AGBL1: variants seen among roughly 807,000 people sequenced by gnomAD.
AGBL1 encodes the protein AGBL carboxypeptidase 1, also known as cytosolic carboxypeptidase 4.
In AGBL1, 130 loss-of-function variants were observed where a neutral mutation model predicts 118.9. The observed-to-expected ratio is 1.09, with a 90% CI of 0.95 to 1.26. The LOEUF is 1.26. Among genes scored for constraint, AGBL1 ranks in the 50% most tolerant of loss-of-function variants. AGBL1 has a pLI of 0.00. For synonymous variants in AGBL1, 555 were observed against 478.9 expected (o/e 1.16, Z -2.08); for missense variants, 1,584 against 1,298.1 (o/e 1.22, Z -3.38).
rs549026988 is a variant in AGBL1, at chr15:87,001,747, T to C, written c.3323+13659T>C. Reference sequence around the variant, plus strand: ...GATGGCCAGTGATGATAAGCATTTTTTCATGTGTCTGTTGGTGGCATAAAT... The same window carrying C: ...GATGGCCAGTGATGATAAGCATTTTCTCATGTGTCTGTTGGTGGCATAAAT... On this transcript the variant is annotated intron_variant, in intron 24 of 24. Transcript: ENST00000441037. 1.2e-3 allele frequency among the ~76,000 whole-genome samples: 181 copies of C among 152,262 alleles called. 2 individuals carry two copies. Among genetic ancestry groups the C allele is most frequent in the African/African-American group, 4.2e-3 (176 of 41,502 alleles).
chr15:86,836,416 AAATT>A (rs2079172206), intron 22 of AGBL1, among the ~76,000 whole-genome samples: 1 of 152,142 alleles, frequency 6.6e-6, no homozygotes. Context: ...TCTCAACTCT[AAATT>A]AATTAACACA....
intron 18 of AGBL1, among the ~76,000 whole-genome samples, chr15:86,446,640 G>A (rs1418648861): frequency 6.6e-6 from 1 of 152,094 alleles, no homozygotes; most frequent in African/African-American, 2.4e-5. Context: ...TCAGGATGGG[G>A]CCAGGGTACC....
At chr15:86,184,984 A>C (rs889254698) in intron 5 of AGBL1, among the ~76,000 whole-genome samples, 3 of 152,188 alleles carry the variant, frequency 2.0e-5, no homozygotes, top group African/African-American at 7.2e-5. Context: ...CAACCTACAG[A>C]ATGGGAGAAA....
At chr15:86,530,603 G>A (rs1336492695) in intron 19 of AGBL1, among the ~76,000 whole-genome samples, 8 of 150,910 alleles carry the variant, frequency 5.3e-5, no homozygotes, top group Non-Finnish European at 1.0e-4. Context: ...TCTGCACCAA[G>A]CGGACTTAAT....
intron 22 of AGBL1, among the ~76,000 whole-genome samples, chr15:86,683,144 G>A (rs1330585924): frequency 6.6e-6 from 1 of 152,020 alleles, no homozygotes; most frequent in Admixed American, 6.6e-5. Context: ...ACAGATGGGG[G>A]GGCATTAAAT....
intron 21 of AGBL1, among the ~76,000 whole-genome samples, chr15:86,624,912 G>A (rs894792926): frequency 2.0e-5 from 3 of 152,126 alleles, no homozygotes; most frequent in Non-Finnish European, 2.9e-5. Context: ...AGAATGTCAC[G>A]GCTGCCAGGG....
At chr15:86,269,361 A>T (rs188960309) in intron 13 of AGBL1, among the ~76,000 whole-genome samples, 2 of 152,366 alleles carry the variant, frequency 1.3e-5, no homozygotes, top group East Asian at 3.9e-4. Context: ...GAGGCTCAAA[A>T]GTAACGTTGA....
chr15:86,134,151 T>C (rs1449590970), intron 1 of AGBL1, among the ~76,000 whole-genome samples: 1 of 152,382 alleles, frequency 6.6e-6, no homozygotes, highest in Middle Eastern at 3.4e-3. Context: ...TTTTTGGTGT[T>C]ATATAACCAT....
intron 22 of AGBL1, among the ~76,000 whole-genome samples, chr15:86,855,511 G>T (rs116635036): frequency 1.3e-5 from 2 of 152,158 alleles, no homozygotes; most frequent in African/African-American, 4.8e-5. Flanking sequence ...TGGCATCCAC[G>T]TGGGAGAAGT....
chr15:86,628,490 AT>A (rs200630684), intron 21 of AGBL1, among the ~76,000 whole-genome samples: 16 of 151,980 alleles, frequency 1.1e-4, no homozygotes, highest in African/African-American at 2.4e-4. Context: ...TATTGAACTA[AT>A]TTTTTTTCTT....
intron 1 of AGBL1, among the ~76,000 whole-genome samples, chr15:86,092,964 C>G (rs1428446054): frequency 6.6e-6 from 1 of 152,152 alleles, no homozygotes; most frequent in Non-Finnish European, 1.5e-5. Context: ...AGGTTTCTAA[C>G]ACATGGTTTT....
At chr15:86,770,201 A>C (rs539587185) in intron 22 of AGBL1, among the ~76,000 whole-genome samples, 25 of 152,112 alleles carry the variant, frequency 1.6e-4, no homozygotes, top group African/African-American at 5.5e-4. Context: ...CTGGCGCTAT[A>C]GTTAGTTTAT....
intron 18 of AGBL1, among the ~76,000 whole-genome samples, chr15:86,468,708 C>T (rs1469969957): frequency 6.6e-6 from 1 of 152,154 alleles, no homozygotes; most frequent in African/African-American, 2.4e-5. Flanking sequence ...CATTTCTCTT[C>T]ATCACCAAGG....
intron 22 of AGBL1, among the ~76,000 whole-genome samples, chr15:86,678,447 T>G (rs1437742520): frequency 6.6e-6 from 1 of 152,124 alleles, no homozygotes; most frequent in African/African-American, 2.4e-5. Context: ...TTTTATAAAT[T>G]TCCTAATCAC....
rs1183866210 is a variant in AGBL1, at chr15:86,964,031, C to CTCTCTGTGTG, written c.3222-23955_3222-23954insCTCTGTGTGT. Among the ~76,000 whole-genome samples the CTCTCTGTGTG allele has an allele frequency of 6.6e-4, 97 of 146,302 alleles. 1 individual carries two copies. Among genetic ancestry groups the CTCTCTGTGTG allele is most frequent in the African/African-American group, 2.5e-3 (96 of 39,164 alleles). The stretch of plus-strand genomic sequence containing the variant: ...AAACTCTCTCTCTCTCTCTCTCTCT[C>CTCTCTGTGTG]TGTGTGTGTGTGTGTGTGTGTGTGT... On this transcript the variant is annotated intron_variant, in intron 23 of 24. Coordinates refer to the AGBL1 transcript ENST00000441037.
At chr15:86,233,965 G>A (rs971059813) in intron 6 of AGBL1, among the ~76,000 whole-genome samples, 1 of 152,124 alleles carries the variant, frequency 6.6e-6, no homozygotes, top group African/African-American at 2.4e-5. Flanking sequence ...GCTGTGGATG[G>A]TGGTGTTGAG....
intron 23 of AGBL1, among the ~76,000 whole-genome samples, chr15:86,980,861 T>C (rs1223024870): frequency 6.6e-6 from 1 of 151,170 alleles, no homozygotes; most frequent in Non-Finnish European, 1.5e-5. Flanking sequence ...GTCTACTAAA[T>C]ATAAATAGTG....
chr15:86,700,278 G>T (rs191571481), intron 22 of AGBL1, among the ~76,000 whole-genome samples: 1 of 151,744 alleles, frequency 6.6e-6, no homozygotes, highest in Non-Finnish European at 1.5e-5. Context: ...GTATCCTTTT[G>T]TTATGTCTCC....
intron 18 of AGBL1, among the ~76,000 whole-genome samples, chr15:86,410,418 G>A (rs1230306672): frequency 6.6e-6 from 1 of 152,112 alleles, no homozygotes; most frequent in Non-Finnish European, 1.5e-5. Flanking sequence ...AAGACAGTCA[G>A]AAGAAGACCC....
Sources: gnomAD v4.1 joint callset for allele counts (sites outside exome capture counted in the v4.1 genomes callset) on GRCh38, gnomAD v4.1.1 for gene constraint, MANE v1.5 for transcripts, NCBI Gene and HGNC (gene_info 2026-07-23, HGNC 2026-07-21) for gene names.